Variants in PCDHA4 observed in about 807,000 individuals in gnomAD.
The protein encoded by PCDHA4 is protocadherin alpha 4.
A neutral mutation model predicts 61.4 loss-of-function variants in PCDHA4; 49 were observed. The ratio of observed to expected loss-of-function variants is 0.80; its 90% CI spans 0.63 to 1.01. The LOEUF is 1.01. Among genes scored for constraint, PCDHA4 ranks in the 50% least tolerant of loss-of-function variants. The probability of loss-of-function intolerance (pLI) is 0.00; values close to 1 mark genes in which losing one functional copy is unlikely to be tolerated. For missense variants in PCDHA4, 1,254 were observed against 1,235.8 expected, an observed-to-expected ratio of 1.01 and a Z score of -0.22; for synonymous variants, 590 against 550.3, an observed-to-expected ratio of 1.07 and a Z score of -1.01.
intron 1 of PCDHA4, chr5:140,929,343 A>G (rs1204297753): frequency 2.0e-6 from 3 of 1,531,032 alleles, no homozygotes; most frequent in Non-Finnish European, 2.6e-6. Context: ...AATTTTATGG[A>G]ATTTGATTCC....
chr5:140,886,327 A>G (rs2060943233), intron 1 of PCDHA4, among the ~76,000 whole-genome samples: 1 of 152,162 alleles, frequency 6.6e-6, no homozygotes, highest in Admixed American at 6.5e-5. Flanking sequence ...GTTCTGGGAT[A>G]CATGTGCAGA....
rs2150493815 is a variant in PCDHA4 at position 140,850,683 on chromosome 5, G to A, written c.2385+41111G>A. 6 of 1,598,480 alleles carry A rather than the reference G, an allele frequency of 3.8e-6. No individual in the cohort carries two copies. The East Asian group carries it at 1.1e-4, about 30-fold the overall frequency. On this transcript the variant is annotated intron_variant, in intron 1 of 3. Coordinates refer to ENST00000530339, the MANE Select transcript of PCDHA4 (RefSeq NM_018907.4). ...GCGGTGCTCGGCGATGCCCACCGAG[G>A]GCGAGTGCGCGCCTGGCAAGCCGAC...
rs189785800 is a variant in PCDHA4 at position 141,012,340 on chromosome 5, G to A, written c.*2403G>A. ...TTATTGCTAATAAATGAAAATGGTG[G>A]TATGAAAGAAATGGTGGTCATTTCT... On this transcript the variant is annotated 3_prime_UTR_variant, in exon 4 of 4. Transcript: ENST00000530339. The A allele has an allele frequency of 3.6e-4, 55 of 153,812 alleles. No homozygotes were observed. The East Asian group carries it at 9.6e-3, about 27-fold the overall frequency. 9.5% of individuals were successfully genotyped at this position (153,812 alleles called of 1,614,324 possible).
At chr5:140,876,883 G>A in intron 1 of PCDHA4, 2 of 1,614,132 alleles carry the variant, frequency 1.2e-6, no homozygotes, top group Non-Finnish European at 1.7e-6. Context: ...CAACCCGCCG[G>A]GCTGCCACAT....
rs2150169954 is a variant in PCDHA4 at position 140,829,555 on chromosome 5, G to T, written c.2385+19983G>T. 1.3e-5 allele frequency: 21 copies of T among 1,612,718 alleles called. 1 individual carries two copies. The highest frequency in any genetic ancestry group is 1.7e-5 in the Non-Finnish European group (20 of 1,179,842). ...GAGACGCGGACGCGCAGGAGAACGC[G>T]CTGGTGTCCTACTCGCTGGTGGAGC... On this transcript the variant is annotated intron_variant, in intron 1 of 3. Transcript: ENST00000530339.
intron 1 of PCDHA4, among the ~76,000 whole-genome samples, chr5:140,841,009 C>T (rs1241373948): frequency 6.6e-6 from 1 of 151,948 alleles, no homozygotes; most frequent in African/African-American, 2.4e-5. Flanking sequence ...AGGAGCCAGA[C>T]AGTATGAATG....
chr5:140,874,360 A>T (rs2054861600), intron 1 of PCDHA4, among the ~76,000 whole-genome samples: 2 of 152,234 alleles, frequency 1.3e-5, no homozygotes. Context: ...TGAATTAATG[A>T]ATAAACTCAT....
intron 3 of PCDHA4, among the ~76,000 whole-genome samples, chr5:141,003,398 G>A (rs1282074480): frequency 1.3e-5 from 2 of 152,114 alleles, no homozygotes; most frequent in African/African-American, 4.8e-5. Flanking sequence ...TGAAACCTCC[G>A]CCTCCCGGGT....
intron 1 of PCDHA4, among the ~76,000 whole-genome samples, chr5:140,839,385 TG>T (rs1562376337): frequency 1.3e-5 from 2 of 151,834 alleles, no homozygotes; most frequent in South Asian, 2.1e-4. Context: ...ATTATTATGA[TG>T]ATGATGATGA....
At chr5:140,922,910 A>C (rs1418606862) in intron 1 of PCDHA4, among the ~76,000 whole-genome samples, 4 of 152,228 alleles carry the variant, frequency 2.6e-5, no homozygotes, top group Admixed American at 2.6e-4. Flanking sequence ...TTGAGATACA[A>C]ATAAACTTCA....
chr5:140,938,485 T>C (rs2092087482), intron 1 of PCDHA4, among the ~76,000 whole-genome samples: 2 of 152,170 alleles, frequency 1.3e-5, no homozygotes, highest in African/African-American at 4.8e-5. Context: ...TTAAAAATCA[T>C]GAATAGGCAT....
At chr5:140,958,888 A>G (rs1563299951) in intron 1 of PCDHA4, among the ~76,000 whole-genome samples, 3 of 152,040 alleles carry the variant, frequency 2.0e-5, no homozygotes, top group African/African-American at 7.2e-5. Flanking sequence ...ACCAGTAGCT[A>G]TATAATAGAT....
intron 3 of PCDHA4, among the ~76,000 whole-genome samples, chr5:140,989,450 T>C (rs1299416259): frequency 6.6e-6 from 1 of 152,208 alleles, no homozygotes; most frequent in Admixed American, 6.5e-5. Context: ...TTGTTTAGAA[T>C]TGTTAGGCTT....
chr5:140,876,726 G>T, intron 1 of PCDHA4: 1 of 1,614,264 alleles, frequency 6.2e-7, no homozygotes, highest in African/African-American at 1.3e-5. Context: ...GCGAGAGCGT[G>T]TCGGCCTATG....
At chr5:140,851,120 T>C (rs1052387301) in intron 1 of PCDHA4, 3 of 1,307,570 alleles carry the variant, frequency 2.3e-6, no homozygotes, top group Non-Finnish European at 2.0e-6. Flanking sequence ...ATCAATTTTA[T>C]TTAAATTTGT....
intron 1 of PCDHA4, among the ~76,000 whole-genome samples, chr5:140,940,086 A>C (rs373629874): frequency 6.6e-6 from 1 of 152,214 alleles, no homozygotes; most frequent in Non-Finnish European, 1.5e-5. Flanking sequence ...TTTCTGCTAA[A>C]TTGAAACTTT....
At chr5:140,860,253 G>C (rs1278193259) in intron 1 of PCDHA4, 1 of 151,492 alleles carries the variant, frequency 6.6e-6, no homozygotes, top group Non-Finnish European at 1.5e-5. Flanking sequence ...CATGCCTTTA[G>C]TCCCTACTGT....
intron 1 of PCDHA4, chr5:140,884,384 G>C: frequency 6.2e-7 from 1 of 1,613,972 alleles, no homozygotes; most frequent in Non-Finnish European, 8.5e-7. Context: ...TGCCATCTGC[G>C]CGGTGTCCAG....
intron 1 of PCDHA4, among the ~76,000 whole-genome samples, chr5:140,873,882 A>G (rs1311106784): frequency 6.6e-6 from 1 of 152,152 alleles, no homozygotes; most frequent in Non-Finnish European, 1.5e-5. Context: ...GCTGGTCTTG[A>G]ACTCCTGACC....
Sources: gnomAD v4.1 joint callset for allele counts (sites outside exome capture counted in the v4.1 genomes callset) on GRCh38, gnomAD v4.1.1 for gene constraint, MANE v1.5 for transcripts, NCBI Gene and HGNC (gene_info 2026-07-23, HGNC 2026-07-21) for gene names.